The following GAS7 variants were observed in gnomAD, a reference collection of about 807,000 sequenced individuals.
The protein encoded by GAS7 is growth arrest specific 7.
Under a neutral mutation model 71.1 loss-of-function variants are expected in GAS7, and 28 were observed. The ratio of observed to expected loss-of-function variants is 0.39; its 90% confidence interval spans 0.29 to 0.54. The LOEUF (loss-of-function observed/expected upper bound fraction) is 0.54. Ranked by LOEUF, GAS7 falls within the 20% of genes least tolerant of loss-of-function variation. The probability of loss-of-function intolerance (pLI) is 0.62; values close to 1 mark genes in which losing one functional copy is unlikely to be tolerated. For synonymous variants in GAS7, 258 were observed against 245.8 expected, an observed-to-expected ratio of 1.05 and a Z score of -0.46; for missense variants, 436 against 627.8, an observed-to-expected ratio of 0.69 and a Z score of 3.27.
intron 1 of GAS7, among the ~76,000 whole-genome samples, chr17:10,155,301 C>T (rs1279545104): frequency 6.6e-6 from 1 of 150,440 alleles, no homozygotes; most frequent in East Asian, 2.0e-4. Flanking sequence ...CAGGTGTGAG[C>T]CACCGTGCCC....
chr17:10,192,362 C>T (rs1055937926), intron 1 of GAS7, among the ~76,000 whole-genome samples: 6 of 152,170 alleles, frequency 3.9e-5, no homozygotes, highest in African/African-American at 1.4e-4. Flanking sequence ...CAGCACAGTC[C>T]CCTGGGCTGG....
chr17:10,194,418 C>A (rs1009534875), intron 1 of GAS7, among the ~76,000 whole-genome samples: 3 of 152,228 alleles, frequency 2.0e-5, no homozygotes, highest in South Asian at 2.1e-4. Context: ...ACCTGTCCAG[C>A]CACTGGGCTT....
Position 10,008,138 on chromosome 17 carries a change from A to G in GAS7, c.304+11639T>C, listed in dbSNP as rs569548205. On this transcript the variant is annotated intron_variant, in intron 2 of 13. Transcript: ENST00000432992. Reference sequence around the variant, plus strand: ...ATTTTGTTTATCCATTCATCAGTTGATGGGCATTTTGGTTGCTGCTGGCCA... The same window carrying G: ...ATTTTGTTTATCCATTCATCAGTTGGTGGGCATTTTGGTTGCTGCTGGCCA... Among the ~76,000 whole-genome samples the G allele has an allele frequency of 1.9e-4, 29 of 152,300 alleles. No individual in the cohort carries two copies. The South Asian group carries it at 5.8e-3, about 31-fold the overall frequency.
chr17:9,918,715 C>T (rs2067681634), intron 12 of GAS7, among the ~76,000 whole-genome samples: 1 of 152,202 alleles, frequency 6.6e-6, no homozygotes, highest in Non-Finnish European at 1.5e-5. Context: ...GCACGTGGCA[C>T]AGCTTTTGTC....
At chr17:9,963,169 A>G (rs910151116) in intron 4 of GAS7, among the ~76,000 whole-genome samples, 2 of 152,302 alleles carry the variant, frequency 1.3e-5, no homozygotes, top group African/African-American at 4.8e-5. Context: ...TGGAGTGTTC[A>G]TCCATGCCGC....
Position 9,918,057 on chromosome 17 carries a change from G to C in GAS7, c.1261C>G (p.Gln421Glu). Residue 421 changes from glutamine (Q) to glutamate (E), a missense_variant, in exon 13 of 14, where the codon CAG becomes GAG. Gln to Glu is a conservative substitution (Grantham distance 29). Coordinates refer to ENST00000432992, the MANE Select transcript of GAS7 (RefSeq NM_201433.2). ...AGCTGCGTGTACTGGCACAGGTGCT[G>C]CCGGATCATCTCTACCCTCTCCACC... The part of the protein sequence containing the change: ...LEVERVEMIR[Q>E]HLCQYTQLRH... 3 of 1,613,914 alleles carry C rather than the reference G, an allele frequency of 1.9e-6. No homozygotes were observed. The highest frequency in any genetic ancestry group is 2.5e-6 in the Non-Finnish European group (3 of 1,179,852).
intron 1 of GAS7, among the ~76,000 whole-genome samples, chr17:10,115,017 C>CTCTG (rs199625231): frequency 1.7e-4 from 26 of 152,286 alleles, no homozygotes; most frequent in African/African-American, 2.9e-4. Context: ...CCAAGCTGTC[C>CTCTG]TCTGTCTGTC....
At chr17:10,123,870 G>A (rs1049988990) in intron 1 of GAS7, among the ~76,000 whole-genome samples, 4 of 152,222 alleles carry the variant, frequency 2.6e-5, no homozygotes, top group African/African-American at 9.6e-5. Flanking sequence ...GGAGACAGTG[G>A]TTTTCCTGGA....
intron 4 of GAS7, among the ~76,000 whole-genome samples, chr17:9,966,163 T>A (rs1416986122): frequency 1.3e-5 from 2 of 151,906 alleles, no homozygotes; most frequent in Non-Finnish European, 2.9e-5. Context: ...CACGCCCGGC[T>A]AATTTTTTGT....
At chr17:9,970,519 C>G (rs909199472) in intron 3 of GAS7, among the ~76,000 whole-genome samples, 2 of 152,076 alleles carry the variant, frequency 1.3e-5, no homozygotes, top group African/African-American at 4.8e-5. Flanking sequence ...GTAATCCCAG[C>G]TACTCGGGAG....
At position 9,962,500 on chromosome 17, in the gene GAS7, C is replaced by A. The variant is rs145545733; in HGVS notation, c.472-3245G>T. Reference sequence around the variant, plus strand: ...ACATAAACAACTTAAAGGGCTACCACAGGCCAAATCTGCGACAATTTGAGC... The same window carrying A: ...ACATAAACAACTTAAAGGGCTACCAAAGGCCAAATCTGCGACAATTTGAGC... On this transcript the variant is annotated intron_variant, in intron 4 of 13. Transcript: ENST00000432992. 1.8e-3 allele frequency among the ~76,000 whole-genome samples: 280 copies of A among 152,334 alleles called. 1 individual carries two copies. Among genetic ancestry groups the A allele is most frequent in the Non-Finnish European group, 3.2e-3 (216 of 68,034 alleles).
chr17:10,120,868 G>A (rs2073899383), intron 1 of GAS7, among the ~76,000 whole-genome samples: 1 of 152,142 alleles, frequency 6.6e-6, no homozygotes, highest in African/African-American at 2.4e-5. Flanking sequence ...CGGCAGCTAC[G>A]GCAGCTGCCC....
rs1419934097 is a variant in GAS7 at position 9,912,434 on chromosome 17, C to G, written c.*4794G>C. 1 of 233,182 alleles carries G rather than the reference C, an allele frequency of 4.3e-6. No homozygotes were observed. Among genetic ancestry groups the G allele is most frequent in the African/African-American group, 2.2e-5 (1 of 45,452 alleles). 14.4% of individuals were successfully genotyped at this position (233,182 alleles called of 1,614,324 possible). Reference sequence around the variant, plus strand: ...TCCAGGAAAGCATCATGATGAGCCCCAGGGCCAGCCCCAGCCTTCTTGTCC... The same window carrying G: ...TCCAGGAAAGCATCATGATGAGCCCGAGGGCCAGCCCCAGCCTTCTTGTCC... On this transcript the variant is annotated 3_prime_UTR_variant, in exon 14 of 14. Transcript: ENST00000432992.
At chr17:10,137,124 A>AAG (rs142234371) in intron 1 of GAS7, among the ~76,000 whole-genome samples, 119,765 of 150,424 alleles carry the variant, frequency 0.8, 48,317 homozygotes, top group Non-Finnish European at 0.87. Flanking sequence ...AAAAGAAAAA[A>AAG]AGAGAGAGAG....
intron 2 of GAS7, among the ~76,000 whole-genome samples, chr17:9,986,425 C>T (rs779317410): frequency 6.6e-6 from 1 of 152,166 alleles, no homozygotes. Context: ...CTACTACCTG[C>T]GAGCCATCAC....
At chr17:10,085,107 T>A (rs1432043393) in intron 1 of GAS7, among the ~76,000 whole-genome samples, 1 of 152,240 alleles carries the variant, frequency 6.6e-6, no homozygotes, top group East Asian at 1.9e-4. Flanking sequence ...GGTTTCTATC[T>A]GTTTTCAGGA....
intron 3 of GAS7, among the ~76,000 whole-genome samples, chr17:9,978,792 T>C (rs1304465442): frequency 6.6e-6 from 1 of 152,176 alleles, no homozygotes; most frequent in Non-Finnish European, 1.5e-5. Context: ...CATGCTGACG[T>C]AGGGAGCTGC....
intron 2 of GAS7, among the ~76,000 whole-genome samples, chr17:9,982,866 A>AAAGCAAGC (rs199980489): frequency 2.1e-5 from 3 of 144,552 alleles, no homozygotes; most frequent in Non-Finnish European, 4.5e-5. Flanking sequence ...AGAAAGAAAG[A>AAAGCAAGC]AAGCAAAGAA....
chr17:9,973,830 T>G (rs1328455765), intron 3 of GAS7, among the ~76,000 whole-genome samples: 1 of 152,196 alleles, frequency 6.6e-6, no homozygotes, highest in African/African-American at 2.4e-5. Flanking sequence ...GGTCTTAAAA[T>G]CAAACAATAC....
Sources: gnomAD v4.1 joint callset for allele counts (sites outside exome capture counted in the v4.1 genomes callset) on GRCh38, gnomAD v4.1.1 for gene constraint, MANE v1.5 for transcripts, NCBI Gene and HGNC (gene_info 2026-07-23, HGNC 2026-07-21) for gene names.